INAVA: variants seen among roughly 807,000 people sequenced by gnomAD.
The protein encoded by INAVA is innate immunity activator protein.
INAVA carries 32 observed loss-of-function variants against 55.3 expected under a neutral mutation model. The ratio of observed to expected loss-of-function variants is 0.58; its 90% CI spans 0.44 to 0.78. The LOEUF is 0.78. Among genes scored for constraint, INAVA ranks in the 30% least tolerant of loss-of-function variants. INAVA has a pLI of 0.00. For missense variants in INAVA, 756 were observed against 786.4 expected (o/e 0.96, Z 0.46); for synonymous variants, 294 against 329.4 (o/e 0.89, Z 1.16).
At chr1:200,892,092 T>C (rs533629413), upstream of INAVA, among the ~76,000 whole-genome samples, 9 of 152,312 alleles carry the variant, frequency 5.9e-5, no homozygotes, top group East Asian at 1.7e-3. Flanking sequence ...GGAGTTCCCC[T>C]GTCCCAGCCC....
intron 5 of INAVA, among the ~76,000 whole-genome samples, chr1:200,903,492 A>G (rs534472488): frequency 6.6e-4 from 100 of 152,158 alleles, no homozygotes; most frequent in Middle Eastern, 6.8e-3. Flanking sequence ...TGTCTCAAAA[A>G]CAAAAAACAA....
intron 9 of INAVA, 58 bp downstream of exon 9, chr1:200,912,195 G>T (rs2102318218): frequency 2.8e-6 from 4 of 1,442,122 alleles, no homozygotes; most frequent in Middle Eastern, 1.8e-4. Flanking sequence ...TGTTGGGGAG[G>T]GGCTGCAATT....
upstream of INAVA, among the ~76,000 whole-genome samples, chr1:200,894,185 G>T (rs553330403): frequency 2.6e-5 from 4 of 152,102 alleles, no homozygotes; most frequent in Non-Finnish European, 4.4e-5. Flanking sequence ...TAGGGTCTGG[G>T]GTCACAGTGG....
At chr1:200,896,192 A>C (rs1023026063) in intron 1 of INAVA, among the ~76,000 whole-genome samples, 1 of 152,180 alleles carries the variant, frequency 6.6e-6, no homozygotes, top group African/African-American at 2.4e-5. Context: ...TTAGTGGTTA[A>C]TAATTAATTA....
Position 200,908,772 on chromosome 1 carries a change from C to A in INAVA, c.617C>A (p.Pro206Gln). The A allele has an allele frequency of 6.2e-7, 1 of 1,608,404 alleles. No homozygotes were observed. Among genetic ancestry groups the A allele is most frequent in the East Asian group, 2.2e-5 (1 of 44,662 alleles). ...VPKPPPESPA[P>Q]PSRPLPPQTL... ...AAACCTCCTCCAGAGTCTCCAGCCC[C>A]ACCTTCTCGGCCTCTCCCACCCCAA... The change falls in exon 7 of 10, where the codon CCA becomes CAA. Residue 206 changes from proline (P) to glutamine (Q), a missense_variant. Physicochemically the swap from Pro to Gln is moderately conservative, Grantham distance 76 (BLOSUM62 -1). Coordinates refer to ENST00000413687, the MANE Select transcript of INAVA (RefSeq NM_001142569.3).
chr1:200,906,229 G>A (rs1653481790), intron 5 of INAVA: 1 of 152,170 alleles, frequency 6.6e-6, no homozygotes, highest in African/African-American at 2.4e-5. Context: ...CTCAAGATCT[G>A]AAGGCCTGGC....
rs140605021 is a variant in INAVA at position 200,895,548 on chromosome 1, G to A, written c.-95+461G>A. On this transcript the variant is annotated intron_variant, in intron 1 of 9. Transcript: ENST00000413687. The stretch of plus-strand genomic sequence containing the variant: ...GATCCCTGTGTTAGGGAGGGGGTGG[G>A]GATGTTACCTGAACTGCCTTTATCT... Among the ~76,000 whole-genome samples, 4 of 152,130 alleles carry A rather than the reference G, an allele frequency of 2.6e-5. No homozygotes were observed. In the South Asian group the frequency reaches 6.2e-4, roughly 24 times the overall value.
Position 200,913,607 on chromosome 1 carries a change from G to C in INAVA, c.1715G>C (p.Gly572Ala), listed in dbSNP as rs1418208477. ...APVQVFVPEK[G>A]EIISQV The stretch of plus-strand genomic sequence containing the variant: ...GTGCAAGTCTTTGTACCTGAAAAAG[G>C]AGAGATCATCAGCCAGGTGTAACTC... Residue 572 changes from glycine (G) to alanine (A), a missense_variant, in exon 10 of 10, where the codon GGA becomes GCA. Gly to Ala is a moderately conservative substitution (Grantham distance 60, BLOSUM62 0). Coordinates refer to ENST00000413687, the MANE Select transcript of INAVA (RefSeq NM_001142569.3). 2 of 1,614,142 alleles carry C rather than the reference G, an allele frequency of 1.2e-6. No homozygotes were observed. Among genetic ancestry groups the C allele is most frequent in the Non-Finnish European group, 1.7e-6 (2 of 1,180,014 alleles).
At chr1:200,910,282 T>C (rs1180905250) in intron 8 of INAVA, among the ~76,000 whole-genome samples, 1 of 152,230 alleles carries the variant, frequency 6.6e-6, no homozygotes, top group Non-Finnish European at 1.5e-5. Flanking sequence ...AGAATGACCA[T>C]GAAAGCACTG....
At chr1:200,898,644 A>G (rs996594555) in intron 2 of INAVA, among the ~76,000 whole-genome samples, 189 bp downstream of exon 2, 2 of 152,156 alleles carry the variant, frequency 1.3e-5, no homozygotes, top group Non-Finnish European at 2.9e-5. Flanking sequence ...CTGGAGCCTC[A>G]GGGACATGTG....
chr1:200,893,158 A>G (rs1260173564), upstream of INAVA, among the ~76,000 whole-genome samples: 1 of 152,232 alleles, frequency 6.6e-6, no homozygotes, highest in African/African-American at 2.4e-5. Context: ...TGCCATTAAT[A>G]GAATTCATAG....
chr1:200,896,128 T>TC (rs1342912817), intron 1 of INAVA, among the ~76,000 whole-genome samples: 1 of 152,138 alleles, frequency 6.6e-6, no homozygotes, highest in Non-Finnish European at 1.5e-5. Context: ...TGCAACAGTC[T>TC]CAGAGCCCCT....
upstream of INAVA, among the ~76,000 whole-genome samples, chr1:200,892,857 G>A (rs1202236699): frequency 6.6e-6 from 1 of 152,240 alleles, no homozygotes; most frequent in African/African-American, 2.4e-5. Context: ...TATTGAGCGT[G>A]AATTTGGGGG....
chr1:200,903,983 A>G (rs1334741878), intron 5 of INAVA, among the ~76,000 whole-genome samples: 1 of 152,174 alleles, frequency 6.6e-6, no homozygotes, highest in Admixed American at 6.5e-5. Context: ...CTCATTTACT[A>G]GAGTGAACCG....
chr1:200,906,094 GTGC>G (rs1313967870), intron 5 of INAVA: 1 of 152,194 alleles, frequency 6.6e-6, no homozygotes, highest in Non-Finnish European at 1.5e-5. Context: ...TATATATAAA[GTGC>G]TGTATTTAGA....
chr1:200,898,200 C>T (rs1653032698), intron 1 of INAVA, 107 bp from the exon 2 acceptor site: 1 of 1,241,216 alleles, frequency 8.1e-7, no homozygotes, highest in African/African-American at 1.5e-5. Context: ...GTTCCTGAAG[C>T]ACAGTCCTCC....
Position 200,908,892 on chromosome 1 carries a change from AC to A in INAVA, c.741del (p.Tyr248MetfsTer72). ...NSPWKETSLD[H>X]PYEKPRKSSE... ...CCCTGGAAGGAAACCAGCCTGGACC[AC>A]CCCTATGAGAAGCCCAGGAAGTCTT... On this transcript the variant is annotated frameshift_variant, in exon 7 of 10. Coordinates refer to ENST00000413687, the MANE Select transcript of INAVA (RefSeq NM_001142569.3). LOFTEE classifies it high-confidence loss of function. 6.2e-7 allele frequency: 1 copy of A among 1,613,778 alleles called. No homozygotes were observed. The highest frequency in any genetic ancestry group is 8.5e-7 in the Non-Finnish European group (1 of 1,179,892).
At chr1:200,903,803 CAAA>C (rs35993705) in intron 5 of INAVA, among the ~76,000 whole-genome samples, 5 of 89,932 alleles carry the variant, frequency 5.6e-5, no homozygotes, top group Admixed American at 2.5e-4. Flanking sequence ...AACTCTGTCT[CAAA>C]AAAAAAAAAA....
upstream of INAVA, chr1:200,891,657 G>C: frequency 6.6e-7 from 1 of 1,507,272 alleles, no homozygotes; most frequent in Non-Finnish European, 8.8e-7. Flanking sequence ...GGCTGGAGTG[G>C]AGGGCGCAGG....
Sources: allele counts gnomAD v4.1 joint callset (sites outside exome capture counted in the v4.1 genomes callset), GRCh38; gene constraint gnomAD v4.1.1; transcripts MANE v1.5; gene names NCBI Gene and HGNC (gene_info 2026-07-23, HGNC 2026-07-21).